SAAL1: variants seen among roughly 807,000 people sequenced by gnomAD.
SAAL1 encodes the protein protein SAAL1.
In SAAL1, 42 loss-of-function variants were observed where a neutral mutation model predicts 59.8. That is an observed-to-expected ratio of 0.70 (90% confidence interval 0.55 to 0.91). The LOEUF (loss-of-function observed/expected upper bound fraction) is 0.91. Among genes scored for constraint, SAAL1 ranks in the 40% least tolerant of loss-of-function variants. The pLI, the probability that SAAL1 is intolerant of heterozygous loss-of-function variation, is 0.00. For missense variants in SAAL1, 542 were observed against 561.1 expected, an observed-to-expected ratio of 0.97 and a Z score of 0.34; for synonymous variants, 191 against 194.3, an observed-to-expected ratio of 0.98 and a Z score of 0.14.
At chr11:18,085,735 C>T (rs1317234510) in intron 9 of SAAL1, among the ~76,000 whole-genome samples, 1 of 152,124 alleles carries the variant, frequency 6.6e-6, no homozygotes, top group Non-Finnish European at 1.5e-5. Flanking sequence ...AGCAATGGAA[C>T]TGAACAGAAT....
At chr11:18,101,485 G>T (rs1848633127) in intron 2 of SAAL1, among the ~76,000 whole-genome samples, 2 of 152,092 alleles carry the variant, frequency 1.3e-5, no homozygotes, top group South Asian at 4.1e-4. Context: ...TCTCCTTCCT[G>T]CCACCGTGTG....
chr11:18,097,640 C>A (rs538248639), intron 2 of SAAL1, among the ~76,000 whole-genome samples: 3 of 151,924 alleles, frequency 2.0e-5, no homozygotes, highest in African/African-American at 7.2e-5. Flanking sequence ...TTACTTGAGC[C>A]CAGCTTGGGC....
intron 2 of SAAL1, among the ~76,000 whole-genome samples, chr11:18,098,849 C>T (rs1437106668): frequency 6.6e-6 from 1 of 152,186 alleles, no homozygotes; most frequent in Non-Finnish European, 1.5e-5. Flanking sequence ...ACAAGGGTGG[C>T]CTAACAATAT....
chr11:18,090,149 T>C (rs1302184205), intron 6 of SAAL1, 26 bp downstream of exon 6: 1 of 1,549,916 alleles, frequency 6.5e-7, no homozygotes, highest in Non-Finnish European at 8.7e-7. Context: ...TAAAACATTT[T>C]TTTTCTAGAG....
At position 18,080,312 on chromosome 11, in the gene SAAL1, T is replaced by C. The variant is rs976348480; in HGVS notation, c.*87A>G. 3 of 825,840 alleles carry C rather than the reference T, an allele frequency of 3.6e-6. No individual in the cohort carries two copies. The highest frequency in any genetic ancestry group is 1.7e-5 in the African/African-American group (1 of 57,310). The allele number at this position is 825,840 out of a possible 1,614,324, so 51.2% of individuals were successfully genotyped here. On this transcript the variant is annotated 3_prime_UTR_variant, in exon 12 of 12. Coordinates refer to ENST00000524803, the MANE Select transcript of SAAL1 (RefSeq NM_138421.3). ...GACAATTATGGTCTAATATGGGCTT[T>C]AGTTAATATTTCCAATAAGTCAATT... is the stretch of plus-strand genomic sequence containing the variant.
chr11:18,102,651 A>T (rs748374243), intron 2 of SAAL1, among the ~76,000 whole-genome samples: 1 of 152,182 alleles, frequency 6.6e-6, no homozygotes, highest in Non-Finnish European at 1.5e-5. Context: ...GCTAAAGTCC[A>T]GGTAATAAAA....
In SAAL1 at chr11:18,103,159, T is replaced by G. The variant is rs1848651309; in HGVS notation, c.249+74A>C. On this transcript the variant is annotated intron_variant, in intron 2 of 11. Coordinates refer to ENST00000524803, the MANE Select transcript of SAAL1 (RefSeq NM_138421.3). ...AAAGCCTTTCCCCAGAGTGAAGGACTGAACCGTTTTTAAAACATTCATTCA... is the reference window on the plus strand; with the variant it reads ...AAAGCCTTTCCCCAGAGTGAAGGACGGAACCGTTTTTAAAACATTCATTCA... The G allele has an allele frequency of 7.0e-6, 7 of 994,298 alleles. No individual in the cohort carries two copies. In the South Asian group the frequency reaches 7.7e-5, roughly 11 times the overall value. 61.6% of individuals were successfully genotyped at this position (994,298 alleles called of 1,614,324 possible).
At chr11:18,090,379 T>C (rs1848510977) in intron 5 of SAAL1, 55 bp downstream of exon 5, 9 of 1,570,446 alleles carry the variant, frequency 5.7e-6, no homozygotes, top group Non-Finnish European at 7.7e-6. Flanking sequence ...TTAACTTTTT[T>C]TTCTTATCTA....
intron 4 of SAAL1, among the ~76,000 whole-genome samples, chr11:18,091,168 C>T (rs1170821386): frequency 6.6e-6 from 1 of 152,186 alleles, no homozygotes; most frequent in Non-Finnish European, 1.5e-5. Context: ...CTGATGCACA[C>T]GTGCACAGTT....
chr11:18,097,738 T>C (rs1374716473), intron 2 of SAAL1, among the ~76,000 whole-genome samples: 2 of 151,258 alleles, frequency 1.3e-5, no homozygotes. Context: ...ACTTGGGAGG[T>C]TGAGGTGGGA....
chr11:18,086,768 G>T, intron 9 of SAAL1, 98 bp downstream of exon 9: 1 of 630,138 alleles, frequency 1.6e-6, no homozygotes, highest in Non-Finnish European at 2.5e-6. Flanking sequence ...TTGAAGTTTA[G>T]CATGTAATGT....
intron 9 of SAAL1, among the ~76,000 whole-genome samples, chr11:18,084,277 T>A (rs1178323141): frequency 6.6e-6 from 1 of 152,192 alleles, no homozygotes; most frequent in Non-Finnish European, 1.5e-5. Context: ...TTATGAAGAA[T>A]CTCTAAAAGC....
intron 7 of SAAL1, 26 bp downstream of exon 7, chr11:18,089,304 C>A: frequency 6.6e-7 from 1 of 1,522,990 alleles, no homozygotes; most frequent in Non-Finnish European, 8.8e-7. Context: ...TTTCCCAGAA[C>A]ATTTTACACA....
intron 3 of SAAL1, among the ~76,000 whole-genome samples, 194 bp downstream of exon 3, chr11:18,096,577 C>T (rs1435149302): frequency 6.6e-6 from 1 of 151,924 alleles, no homozygotes; most frequent in African/African-American, 2.4e-5. Flanking sequence ...TAGTGAGACC[C>T]TGTCTCAAAA....
intron 1 of SAAL1, among the ~76,000 whole-genome samples, chr11:18,105,693 T>C (rs1167048405): frequency 1.3e-5 from 2 of 152,188 alleles, no homozygotes; most frequent in Admixed American, 6.5e-5. Context: ...CCTACCATTA[T>C]ACTTCCCTTT....
chr11:18,094,191 C>T (rs1848550223), intron 3 of SAAL1, among the ~76,000 whole-genome samples: 1 of 152,152 alleles, frequency 6.6e-6, no homozygotes, highest in Non-Finnish European at 1.5e-5. Context: ...CCATAAATCA[C>T]TGAGGACATA....
At chr11:18,088,195 C>T (rs1303182927) in intron 7 of SAAL1, among the ~76,000 whole-genome samples, 1 of 152,172 alleles carries the variant, frequency 6.6e-6, no homozygotes, top group Non-Finnish European at 1.5e-5. Context: ...CTACTGGGTC[C>T]ATAAGCTGTA....
At chr11:18,092,566 C>T (rs1050195233) in intron 3 of SAAL1, among the ~76,000 whole-genome samples, 7 of 151,880 alleles carry the variant, frequency 4.6e-5, no homozygotes, top group African/African-American at 1.7e-4. Context: ...GAACTTCTAT[C>T]GATAAAATGA....
chr11:18,088,159 G>A (rs896203695), intron 7 of SAAL1, among the ~76,000 whole-genome samples: 5 of 152,314 alleles, frequency 3.3e-5, no homozygotes, highest in East Asian at 1.9e-4. Context: ...TGACTGAAAC[G>A]CAGAGTACAA....
Sources: allele counts gnomAD v4.1 joint callset (sites outside exome capture counted in the v4.1 genomes callset), GRCh38; gene constraint gnomAD v4.1.1; transcripts MANE v1.5; gene names NCBI Gene and HGNC (gene_info 2026-07-23, HGNC 2026-07-21).